The following NDUFS4 variants were observed in gnomAD, a reference collection of about 807,000 sequenced individuals.
NDUFS4 encodes the protein NADH:ubiquinone oxidoreductase subunit S4, also known as NADH dehydrogenase [ubiquinone] iron-sulfur protein 4, mitochondrial.
NDUFS4 carries 28 observed loss-of-function variants against 24.3 expected under a neutral mutation model. The ratio of observed to expected loss-of-function variants is 1.15; its 90% CI spans 0.85 to 1.58. The LOEUF (loss-of-function observed/expected upper bound fraction) is 1.58, where lower values mean the gene tolerates loss of function less well. NDUFS4 is among the 40% of genes most tolerant of loss of function. The pLI, the probability that NDUFS4 is intolerant of heterozygous loss-of-function variation, is 0.00. For missense variants in NDUFS4, 223 were observed against 207.9 expected (o/e 1.07, Z -0.45); for synonymous variants, 93 against 69.7 (o/e 1.34, Z -1.67).
chr5:53,561,513 A>AT (rs4147745), intron 1 of NDUFS4, among the ~76,000 whole-genome samples: 5 of 146,818 alleles, frequency 3.4e-5, no homozygotes, highest in African/African-American at 1.0e-4. Flanking sequence ...TTTTGTGATG[A>AT]TTTTTTTTTT....
intron 2 of NDUFS4, among the ~76,000 whole-genome samples, chr5:53,628,332 A>G (rs2112486384): frequency 6.6e-6 from 1 of 152,128 alleles, no homozygotes; most frequent in Middle Eastern, 3.4e-3. Flanking sequence ...GGGTATTGGC[A>G]TAACATTTTC....
At chr5:53,620,082 G>A (rs1225280788) in intron 2 of NDUFS4, among the ~76,000 whole-genome samples, 2 of 151,150 alleles carry the variant, frequency 1.3e-5, no homozygotes, top group Non-Finnish European at 2.9e-5. Flanking sequence ...AGGAGTTCAA[G>A]ACCAGCCTGG....
intron 1 of NDUFS4, among the ~76,000 whole-genome samples, chr5:53,564,628 C>T (rs1021948831): frequency 6.6e-6 from 1 of 152,166 alleles, no homozygotes; most frequent in Non-Finnish European, 1.5e-5. Flanking sequence ...AACCTCCACC[C>T]TCTGGGCTCA....
rs189309584 is a variant in NDUFS4, at chr5:53,626,368, A to T, written c.178-19865A>T. On this transcript the variant is annotated intron_variant, in intron 2 of 4. Transcript: ENST00000296684. ...ACATGTGTGCCTGTGTCTTTATAGT[A>T]GAATGATTTATAATCCTTTGGGTAC... 2.4e-3 allele frequency among the ~76,000 whole-genome samples: 361 copies of T among 152,286 alleles called. 5 individuals are homozygous for T. The highest frequency in any genetic ancestry group is 8.1e-3 in the African/African-American group (336 of 41,540).
chr5:53,571,706 T>C (rs1749215700), intron 1 of NDUFS4, among the ~76,000 whole-genome samples: 1 of 152,226 alleles, frequency 6.6e-6, no homozygotes, highest in Admixed American at 6.5e-5. Context: ...TCTATCTTTT[T>C]GAAGTTATAA....
intron 2 of NDUFS4, among the ~76,000 whole-genome samples, chr5:53,607,805 G>A (rs1259050367): frequency 6.6e-6 from 1 of 152,102 alleles, no homozygotes; most frequent in Non-Finnish European, 1.5e-5. Flanking sequence ...AAAACAGTTT[G>A]AATGCAAGAA....
intron 1 of NDUFS4, among the ~76,000 whole-genome samples, chr5:53,595,752 T>C (rs1354326547): frequency 6.6e-6 from 1 of 152,190 alleles, no homozygotes; most frequent in African/African-American, 2.4e-5. Flanking sequence ...CACAAATCTT[T>C]CTTTAATCTG....
intron 4 of NDUFS4, among the ~76,000 whole-genome samples, chr5:53,678,349 T>C (rs1740542447): frequency 6.6e-6 from 1 of 152,186 alleles, no homozygotes; most frequent in African/African-American, 2.4e-5. Context: ...GGGAGTCAGC[T>C]TCTCATCATT....
chr5:53,652,151 C>T (rs1380667130), intron 3 of NDUFS4, among the ~76,000 whole-genome samples: 1 of 152,142 alleles, frequency 6.6e-6, no homozygotes, highest in African/African-American at 2.4e-5. Context: ...TAACAGACAT[C>T]TAACCCTGCT....
At chr5:53,646,517 T>G (rs994908994) in intron 3 of NDUFS4, 112 bp downstream of exon 3, 2 of 1,128,236 alleles carry the variant, frequency 1.8e-6, no homozygotes, top group Non-Finnish European at 2.6e-6. Flanking sequence ...TGACAGTACT[T>G]TTTGACGCTG....
intron 4 of NDUFS4, among the ~76,000 whole-genome samples, chr5:53,677,358 A>C (rs1552650): frequency 6.6e-6 from 1 of 152,124 alleles, no homozygotes; most frequent in Non-Finnish European, 1.5e-5. Context: ...CAGGTGCCTC[A>C]TGTTTTCACC....
intron 1 of NDUFS4, among the ~76,000 whole-genome samples, chr5:53,565,808 A>G (rs1749001540): frequency 6.6e-6 from 1 of 152,240 alleles, no homozygotes; most frequent in Non-Finnish European, 1.5e-5. Context: ...GAGGAAATGA[A>G]TGTTTGGGAA....
intron 3 of NDUFS4, among the ~76,000 whole-genome samples, chr5:53,649,937 A>G (rs1286308413): frequency 1.3e-5 from 2 of 152,032 alleles, no homozygotes; most frequent in African/African-American, 2.4e-5. Context: ...TTCATTGGCC[A>G]TTTGTATGTT....
At chr5:53,626,944 T>C (rs1751247696) in intron 2 of NDUFS4, among the ~76,000 whole-genome samples, 1 of 152,234 alleles carries the variant, frequency 6.6e-6, no homozygotes. Context: ...GTTTTAGTCA[T>C]GAAGTCTTTG....
intron 2 of NDUFS4, among the ~76,000 whole-genome samples, chr5:53,629,496 G>A (rs944145372): frequency 4.6e-5 from 7 of 152,098 alleles, no homozygotes; most frequent in Admixed American, 1.3e-4. Flanking sequence ...GTCTTCCAGT[G>A]TTATTGTGTG....
intron 1 of NDUFS4, among the ~76,000 whole-genome samples, chr5:53,568,083 G>A (rs951334731): frequency 6.6e-6 from 1 of 151,986 alleles, no homozygotes; most frequent in Non-Finnish European, 1.5e-5. Flanking sequence ...CTTGTTTCAA[G>A]TTCTATTTTG....
At chr5:53,647,395 T>C (rs1751901949) in intron 3 of NDUFS4, among the ~76,000 whole-genome samples, 1 of 151,942 alleles carries the variant, frequency 6.6e-6, no homozygotes, top group African/African-American at 2.4e-5. Flanking sequence ...TTTTTTATCT[T>C]TTTGTAGAAA....
intron 4 of NDUFS4, among the ~76,000 whole-genome samples, chr5:53,678,348 C>T (rs1740542329): frequency 6.6e-6 from 1 of 152,156 alleles, no homozygotes; most frequent in South Asian, 2.1e-4. Flanking sequence ...AGGGAGTCAG[C>T]TTCTCATCAT....
chr5:53,577,912 G>A (rs1749438269), intron 1 of NDUFS4, among the ~76,000 whole-genome samples: 2 of 152,078 alleles, frequency 1.3e-5, no homozygotes, highest in South Asian at 4.2e-4. Flanking sequence ...TTTGAATTTG[G>A]TATCCTAGAT....
Sources: gnomAD v4.1 joint callset for allele counts (sites outside exome capture counted in the v4.1 genomes callset) on GRCh38, gnomAD v4.1.1 for gene constraint, MANE v1.5 for transcripts, NCBI Gene and HGNC (gene_info 2026-07-23, HGNC 2026-07-21) for gene names.